Variants in TMCC1 observed in about 807,000 individuals in gnomAD.
TMCC1 encodes the protein transmembrane and coiled-coil domain family 1.
In TMCC1, 15 loss-of-function variants were observed where a neutral mutation model predicts 52.4. That is an observed-to-expected ratio of 0.29 (90% CI 0.19 to 0.44). The LOEUF is 0.44. Ranked by LOEUF, TMCC1 falls within the 20% of genes least tolerant of loss-of-function variation. The pLI is 1.00. For missense variants in TMCC1, 503 were observed against 806.0 expected (o/e 0.62, Z 4.55); for synonymous variants, 279 against 301.9 (o/e 0.92, Z 0.79).
intron 4 of TMCC1, among the ~76,000 whole-genome samples, chr3:129,813,264 A>G (rs1157774445): frequency 1.3e-5 from 2 of 152,252 alleles, no homozygotes; most frequent in African/African-American, 4.8e-5. Flanking sequence ...GATTTCTCAA[A>G]TAACTTAAAA....
intron 2 of TMCC1, among the ~76,000 whole-genome samples, chr3:129,870,259 A>G (rs1314917535): frequency 6.6e-6 from 1 of 152,100 alleles, no homozygotes; most frequent in Non-Finnish European, 1.5e-5. Flanking sequence ...TTTCTCCTCC[A>G]GTTAATAAGA....
chr3:129,744,195 C>T (rs1162590754), intron 4 of TMCC1, among the ~76,000 whole-genome samples: 1 of 152,190 alleles, frequency 6.6e-6, no homozygotes, highest in Non-Finnish European at 1.5e-5. Flanking sequence ...AGTTAGAGGT[C>T]AAGGAGCTCT....
At chr3:129,863,599 C>T (rs2060492091) in intron 2 of TMCC1, among the ~76,000 whole-genome samples, 2 of 152,158 alleles carry the variant, frequency 1.3e-5, no homozygotes, top group Non-Finnish European at 2.9e-5. Flanking sequence ...CAGTGGCTCA[C>T]GCCTGTAATC....
intron 4 of TMCC1, among the ~76,000 whole-genome samples, chr3:129,677,849 C>T (rs2088592209): frequency 6.6e-6 from 1 of 152,236 alleles, no homozygotes. Flanking sequence ...ACACCACTAG[C>T]TCACACTTCC....
chr3:129,763,484 A>T (rs1429817516), intron 4 of TMCC1, among the ~76,000 whole-genome samples: 1 of 138,774 alleles, frequency 7.2e-6, no homozygotes, highest in East Asian at 2.3e-4. Context: ...AGGTGGTTGC[A>T]GTGAGCTAAG....
rs564895209 is a variant in TMCC1, at chr3:129,796,914, C to CA, written c.576+30888dup. On this transcript the variant is annotated intron_variant, in intron 4 of 6. Transcript: ENST00000393238. Reference sequence around the variant, plus strand: ...AACTTTTTTCTTCAGGTAAGAAACACAAAAAAATGAATTTGAAAAGACAGG... The same window carrying CA: ...AACTTTTTTCTTCAGGTAAGAAACACAAAAAAAATGAATTTGAAAAGACAGG... Among the ~76,000 whole-genome samples the CA allele has an allele frequency of 6.6e-5, 10 of 152,148 alleles. No homozygotes were observed. In the East Asian group the frequency reaches 1.7e-3, roughly 26 times the overall value.
chr3:129,670,863 G>T lies in TMCC1; in HGVS notation c.978C>A (p.His326Gln). ...TTGCTCCTACATCCTTCAGACCCTG[G>T]TGCATGTCCCTGAAGACATCCTTTG... ...RQPKDVFRDM[H>Q]QGLKDVGAKV... The change falls in exon 5 of 7, where the codon CAC (histidine) becomes CAA (glutamine). Residue 326 changes from histidine to glutamine, a missense_variant. By Grantham distance (24) the His-to-Gln change is conservative (BLOSUM62 0). This residue lies in a region of TMCC1 where 73 missense variants were observed against 182.9 expected (regional missense o/e 0.40). Coordinates refer to ENST00000393238, the MANE Select transcript of TMCC1 (RefSeq NM_001017395.5). 1.2e-6 allele frequency: 2 copies of T among 1,614,142 alleles called. No homozygotes were observed. Among genetic ancestry groups the T allele is most frequent in the Non-Finnish European group, 1.7e-6 (2 of 1,180,034 alleles).
At chr3:129,685,197 C>G (rs938362775) in intron 4 of TMCC1, among the ~76,000 whole-genome samples, 2 of 151,944 alleles carry the variant, frequency 1.3e-5, no homozygotes, top group African/African-American at 2.4e-5. Context: ...CTGGTTAACA[C>G]AGAAAGACCA....
chr3:129,741,634 A>G (rs2051466051), intron 4 of TMCC1, among the ~76,000 whole-genome samples: 1 of 152,168 alleles, frequency 6.6e-6, no homozygotes, highest in Non-Finnish European at 1.5e-5. Flanking sequence ...TATAAATTAC[A>G]TTTTTTATGC....
At chr3:129,663,176 C>T (rs2087171750) in intron 5 of TMCC1, among the ~76,000 whole-genome samples, 1 of 152,106 alleles carries the variant, frequency 6.6e-6, no homozygotes, top group South Asian at 2.1e-4. Context: ...GAGTACACAG[C>T]CTGGGAATGC....
chr3:129,817,529 C>T (rs1209020228), intron 4 of TMCC1, among the ~76,000 whole-genome samples: 1 of 152,188 alleles, frequency 6.6e-6, no homozygotes, highest in Non-Finnish European at 1.5e-5. Flanking sequence ...TATTTACTAT[C>T]TTATTATCCA....
At chr3:129,816,063 G>A (rs575101716) in intron 4 of TMCC1, among the ~76,000 whole-genome samples, 1 of 152,224 alleles carries the variant, frequency 6.6e-6, no homozygotes, top group East Asian at 1.9e-4. Flanking sequence ...AGTTAGAATG[G>A]CTTTTATCAA....
chr3:129,784,995 A>G (rs55649252), intron 4 of TMCC1, among the ~76,000 whole-genome samples: 34,661 of 152,078 alleles, frequency 0.23, 5,278 homozygotes, highest in Non-Finnish European at 0.32. Context: ...AAAAAAAACA[A>G]AACAGTCAGT....
chr3:129,744,860 AC>A (rs1252903812), intron 4 of TMCC1, among the ~76,000 whole-genome samples: 1 of 152,220 alleles, frequency 6.6e-6, no homozygotes, highest in African/African-American at 2.4e-5. Flanking sequence ...TTTCAAATCC[AC>A]GGTTTTCAGC....
chr3:129,745,295 TTTG>T (rs1228568587), intron 4 of TMCC1, among the ~76,000 whole-genome samples: 1 of 152,216 alleles, frequency 6.6e-6, no homozygotes, highest in Non-Finnish European at 1.5e-5. Context: ...TATAAAACAT[TTTG>T]TTGTCATATC....
At chr3:129,846,939 G>A (rs144443610) in intron 2 of TMCC1, 2 of 149,590 alleles carry the variant, frequency 1.3e-5, no homozygotes, top group African/African-American at 4.9e-5. Context: ...CCTGCAGTGA[G>A]CTATGATCAC....
intron 2 of TMCC1, among the ~76,000 whole-genome samples, chr3:129,874,731 C>T (rs2061109079): frequency 6.6e-6 from 1 of 152,036 alleles, no homozygotes; most frequent in South Asian, 2.1e-4. Context: ...GTGGCGCACA[C>T]CTGTAGTCCT....
chr3:129,842,964 T>G (rs1347774282), intron 2 of TMCC1, among the ~76,000 whole-genome samples: 1 of 152,168 alleles, frequency 6.6e-6, no homozygotes, highest in Non-Finnish European at 1.5e-5. Flanking sequence ...GGAAAATGTA[T>G]AGTCTTAATT....
chr3:129,830,421 T>A (rs938203300), intron 3 of TMCC1, among the ~76,000 whole-genome samples: 3 of 152,188 alleles, frequency 2.0e-5, no homozygotes, highest in Non-Finnish European at 4.4e-5. Flanking sequence ...CCATTCCTCA[T>A]GAGTTTGTCT....
Sources: gnomAD v4.1 joint callset for allele counts (sites outside exome capture counted in the v4.1 genomes callset) on GRCh38, gnomAD v4.1.1 for gene constraint, gnomAD v4.1.1 regional missense constraint, MANE v1.5 for transcripts, NCBI Gene and HGNC (gene_info 2026-07-23, HGNC 2026-07-21) for gene names.